The following NBDY variants were observed in gnomAD, a reference collection of about 807,000 sequenced individuals.
NBDY encodes P-body dissociating protein.
In NBDY at chrX:56,745,479, A is replaced by G. The variant is rs933397957; in HGVS notation, c.*166+13280A>G. Among the ~76,000 whole-genome samples, 4 of 110,774 alleles carry G rather than the reference A, an allele frequency of 3.6e-5. No individual in the cohort carries two copies. In the East Asian group the frequency reaches 1.1e-3, roughly 31 times the overall value. On this transcript the variant is annotated intron_variant, in intron 2 of 2. Coordinates refer to ENST00000374922, the MANE Select transcript of NBDY (RefSeq NM_001348129.2). ...CATTGGGAAGTAACTTGCAGATATC[A>G]TGACACTTCAACCCTAAACACTAAA...
At chrX:56,766,358 C>T (rs1389671445) in intron 2 of NBDY, among the ~76,000 whole-genome samples, 2 of 111,824 alleles carry the variant, frequency 1.8e-5, no homozygotes, top group African/African-American at 6.5e-5. Context: ...GGGAGGCACA[C>T]ACAGACACAC....
At chrX:56,781,014 G>C (rs1184052521) in intron 2 of NBDY, among the ~76,000 whole-genome samples, 2 of 110,971 alleles carry the variant, frequency 1.8e-5, no homozygotes, top group African/African-American at 3.3e-5. Flanking sequence ...TTTCTCATAA[G>C]TGTATACCAT....
chrX:56,764,702 C>CAAAAAAAAAA (rs10623590), intron 2 of NBDY, among the ~76,000 whole-genome samples: 16 of 60,787 alleles, frequency 2.6e-4, no homozygotes, highest in East Asian at 5.8e-4. Context: ...AAACAAACAC[C>CAAAAAAAAAA]AAAAAAAAAA....
chrX:56,784,512 G>A (rs146219583), intron 2 of NBDY, among the ~76,000 whole-genome samples: 1 of 112,081 alleles, frequency 8.9e-6, no homozygotes. Flanking sequence ...TCACTGGAAC[G>A]TGGTGGTTCA....
chrX:56,799,189 G>T (rs758822026), intron 2 of NBDY, among the ~76,000 whole-genome samples: 1 of 112,129 alleles, frequency 8.9e-6, no homozygotes, highest in African/African-American at 3.2e-5. Context: ...AGGCAGGGGC[G>T]GCCCACCATG....
intron 2 of NBDY, among the ~76,000 whole-genome samples, chrX:56,799,553 C>G (rs1040313806): frequency 8.8e-6 from 1 of 113,253 alleles, no homozygotes; most frequent in East Asian, 2.8e-4. Flanking sequence ...TGGGGGAAAC[C>G]CTGGCTTGGG....
rs187813157 is a variant in NBDY at position 56,816,149 on chromosome X, C to A, written c.*167-1171C>A. Among the ~76,000 whole-genome samples, 99 of 110,835 alleles carry A rather than the reference C, an allele frequency of 8.9e-4. 2 individuals carry two copies. Among genetic ancestry groups the A allele is most frequent in the Middle Eastern group, 0.013 (2 of 154 alleles). ...AATTCATAGAATATATAATACATTT[C>A]TTTATGTTAATACAGAAACAAAGCC... On this transcript the variant is annotated intron_variant, in intron 2 of 2. Coordinates refer to ENST00000374922, the MANE Select transcript of NBDY (RefSeq NM_001348129.2).
chrX:56,752,291 A>G (rs1251792432), intron 2 of NBDY, among the ~76,000 whole-genome samples: 1 of 112,270 alleles, frequency 8.9e-6, no homozygotes, highest in African/African-American at 3.2e-5. Flanking sequence ...ACTGCTTTCC[A>G]CAGTGGCTGA....
At chrX:56,741,184 T>C (rs184813852) in intron 2 of NBDY, among the ~76,000 whole-genome samples, 24 of 112,034 alleles carry the variant, frequency 2.1e-4, no homozygotes, top group African/African-American at 6.8e-4. Context: ...TTCTTTTTTA[T>C]GACTGATTAG....
chrX:56,796,738 A>G (rs2069793706), intron 2 of NBDY, among the ~76,000 whole-genome samples: 1 of 110,337 alleles, frequency 9.1e-6, no homozygotes, highest in South Asian at 4.0e-4. Flanking sequence ...CAGTCTGCTG[A>G]TGACATCCTC....
chrX:56,806,035 T>C, intron 2 of NBDY, among the ~76,000 whole-genome samples: 1 of 110,993 alleles, frequency 9.0e-6, no homozygotes, highest in Non-Finnish European at 1.9e-5. Context: ...GTGTTCTCAT[T>C]GTTCAACTCC....
chrX:56,813,330 G>T (rs1402100638), intron 2 of NBDY, among the ~76,000 whole-genome samples: 2 of 110,750 alleles, frequency 1.8e-5, no homozygotes, highest in African/African-American at 6.6e-5. Flanking sequence ...GGGAGCCTTG[G>T]CAAGTTGTGT....
At chrX:56,804,967 G>C (rs1315164150) in intron 2 of NBDY, among the ~76,000 whole-genome samples, 2 of 112,148 alleles carry the variant, frequency 1.8e-5, no homozygotes, top group East Asian at 5.6e-4. Context: ...AAGTCTTCCT[G>C]GATGTGTAGG....
At chrX:56,815,330 A>G (rs990015441) in intron 2 of NBDY, among the ~76,000 whole-genome samples, 42 of 112,177 alleles carry the variant, frequency 3.7e-4, no homozygotes, top group African/African-American at 9.7e-4. Context: ...TTTCTACATC[A>G]AAATGAGGAG....
chrX:56,793,942 G>A (rs1209177918), intron 2 of NBDY, among the ~76,000 whole-genome samples: 1 of 111,949 alleles, frequency 8.9e-6, no homozygotes, highest in East Asian at 2.8e-4. Flanking sequence ...TCCCCCTGTG[G>A]CCCCCCAAGG....
chrX:56,740,910 C>T (rs1377676703), intron 2 of NBDY, among the ~76,000 whole-genome samples: 1 of 110,438 alleles, frequency 9.1e-6, no homozygotes, highest in Admixed American at 9.7e-5. Context: ...ACTATAGTCA[C>T]CCTGCTGTCC....
intron 2 of NBDY, among the ~76,000 whole-genome samples, chrX:56,803,929 C>T (rs2069836695): frequency 8.9e-6 from 1 of 111,950 alleles, no homozygotes; most frequent in Non-Finnish European, 1.9e-5. Context: ...ATGCGAAAGG[C>T]TCTCTGCCTC....
chrX:56,785,958 G>A (rs1420745919), intron 2 of NBDY, among the ~76,000 whole-genome samples: 1 of 111,301 alleles, frequency 9.0e-6, no homozygotes, highest in Non-Finnish European at 1.9e-5. Flanking sequence ...GACACCCTCA[G>A]GGAAAACAGG....
At chrX:56,756,897 G>A (rs933876755) in intron 2 of NBDY, among the ~76,000 whole-genome samples, 1 of 110,880 alleles carries the variant, frequency 9.0e-6, no homozygotes, top group African/African-American at 3.3e-5. Flanking sequence ...GGGGGTTGTA[G>A]TGAGCCGAGA....
Sources: gnomAD v4.1 joint callset for allele counts (sites outside exome capture counted in the v4.1 genomes callset) on GRCh38, gnomAD v4.1.1 for gene constraint, MANE v1.5 for transcripts, NCBI Gene and HGNC (gene_info 2026-07-23, HGNC 2026-07-21) for gene names.